Variants in GMDS observed in about 807,000 individuals in gnomAD.
GMDS encodes the protein GDP-mannose 4,6 dehydratase.
GMDS carries 20 observed loss-of-function variants against 49.9 expected under a neutral mutation model. The ratio of observed to expected loss-of-function variants is 0.40; its 90% confidence interval spans 0.28 to 0.58. The LOEUF (loss-of-function observed/expected upper bound fraction) is 0.58. GMDS is among the 20% of genes least tolerant of loss of function. The probability of loss-of-function intolerance (pLI) is 0.42; values close to 1 mark genes in which losing one functional copy is unlikely to be tolerated. For synonymous variants in GMDS, 177 were observed against 178.6 expected, an observed-to-expected ratio of 0.99 and a Z score of 0.07; for missense variants, 362 against 481.4, an observed-to-expected ratio of 0.75 and a Z score of 2.32.
At chr6:1,624,782 A>G (rs1762796766) in intron 9 of GMDS, 1 of 293,678 alleles carries the variant, frequency 3.4e-6, no homozygotes, top group South Asian at 6.2e-5. Flanking sequence ...ACCCCCAGCT[A>G]CCTCCACACC....
chr6:1,774,525 T>C (rs1258030947), intron 7 of GMDS, among the ~76,000 whole-genome samples: 1 of 152,206 alleles, frequency 6.6e-6, no homozygotes, highest in Non-Finnish European at 1.5e-5. Flanking sequence ...TAAAGTGGAT[T>C]AGGGCCCATC....
intron 4 of GMDS, among the ~76,000 whole-genome samples, chr6:2,012,778 C>T (rs1042420374): frequency 6.6e-5 from 10 of 152,016 alleles, no homozygotes; most frequent in African/African-American, 2.2e-4. Flanking sequence ...TAAAAAAAGT[C>T]CCAGGAGCCC....
chr6:1,961,592 T>C (rs182345227), intron 4 of GMDS, among the ~76,000 whole-genome samples: 133 of 152,370 alleles, frequency 8.7e-4, no homozygotes, highest in Admixed American at 1.1e-3. Context: ...TGCAGTTCTT[T>C]AGAGCACTTT....
At chr6:2,221,006 G>A (rs769717710) in intron 1 of GMDS, among the ~76,000 whole-genome samples, 10 of 152,096 alleles carry the variant, frequency 6.6e-5, no homozygotes, top group East Asian at 1.9e-4. Context: ...GCAAGACCCC[G>A]TCTATACAGA....
intron 7 of GMDS, among the ~76,000 whole-genome samples, chr6:1,790,036 T>C (rs1256196660): frequency 6.6e-6 from 1 of 152,254 alleles, no homozygotes; most frequent in Non-Finnish European, 1.5e-5. Context: ...TTCCTAAATA[T>C]ATGACATTGC....
At chr6:1,674,560 C>CTTTTTTTTTTTTTTTTTTT (rs869292549) in intron 9 of GMDS, among the ~76,000 whole-genome samples, 1 of 73,438 alleles carries the variant, frequency 1.4e-5, no homozygotes, top group Non-Finnish European at 2.3e-5. Flanking sequence ...CTCTCTCTCT[C>CTTTTTTTTTTTTTTTTTTT]TTTTTTTTTT....
In GMDS at chr6:1,822,406, A is replaced by T. The variant is rs115960646; in HGVS notation, c.772-79820T>A. Among the ~76,000 whole-genome samples, 755 of 152,260 alleles carry T rather than the reference A, an allele frequency of 5.0e-3. 6 individuals are homozygous for T. Among genetic ancestry groups the T allele is most frequent in the African/African-American group, 0.017 (695 of 41,532 alleles). On this transcript the variant is annotated intron_variant, in intron 7 of 10. Transcript: ENST00000380815. ...TGGTAGTATTGACAGTGCTCTGATT[A>T]TTTTCACAGGAAGTGAGTTTGTTAG...
chr6:2,022,429 T>A (rs1367805399), intron 4 of GMDS, among the ~76,000 whole-genome samples: 2 of 152,170 alleles, frequency 1.3e-5, no homozygotes, highest in African/African-American at 2.4e-5. Flanking sequence ...GTGAGATTCA[T>A]GAGATTAAGA....
rs151198848 is a variant in GMDS at position 1,925,820 on chromosome 6, G to A, written c.771+4283C>T. ...TGAGGACAGGCACTCCTGCCTTCAC[G>A]CCCAAATGCTGCATTTCCCAAGACC... On this transcript the variant is annotated intron_variant, in intron 7 of 10. Coordinates refer to ENST00000380815, the MANE Select transcript of GMDS (RefSeq NM_001500.4). Among the ~76,000 whole-genome samples, 365 of 152,178 alleles carry A rather than the reference G, an allele frequency of 2.4e-3. 4 individuals are homozygous for A. Among genetic ancestry groups the A allele is most frequent in the East Asian group, 1.4e-3 (7 of 5,168 alleles).
At chr6:2,028,772 A>G (rs1768772691) in intron 4 of GMDS, among the ~76,000 whole-genome samples, 1 of 152,196 alleles carries the variant, frequency 6.6e-6, no homozygotes, top group South Asian at 2.1e-4. Flanking sequence ...AAACAAAACG[A>G]CAAGTAATGT....
intron 7 of GMDS, among the ~76,000 whole-genome samples, chr6:1,881,429 GACTT>G (rs1374147666): frequency 6.6e-6 from 1 of 152,132 alleles, no homozygotes; most frequent in Non-Finnish European, 1.5e-5. Flanking sequence ...AAATTAAGAT[GACTT>G]ACTTTCTAGG....
intron 7 of GMDS, among the ~76,000 whole-genome samples, chr6:1,926,624 T>C (rs1762021177): frequency 6.6e-6 from 1 of 152,256 alleles, no homozygotes; most frequent in South Asian, 2.1e-4. Flanking sequence ...TCCTTTTTCA[T>C]TTTTATGATT....
chr6:2,218,094 ACCT>A (rs1780420335), intron 1 of GMDS, among the ~76,000 whole-genome samples: 3 of 151,944 alleles, frequency 2.0e-5, no homozygotes, highest in Admixed American at 2.0e-4. Flanking sequence ...CGCCTTCCAA[ACCT>A]CCTCACCACC....
At chr6:1,670,420 T>A (rs867555464) in intron 9 of GMDS, among the ~76,000 whole-genome samples, 1 of 151,128 alleles carries the variant, frequency 6.6e-6, no homozygotes. Flanking sequence ...ATTAGACAAA[T>A]CTTTTCCACT....
intron 7 of GMDS, among the ~76,000 whole-genome samples, chr6:1,771,666 T>C (rs1380438620): frequency 6.6e-6 from 1 of 152,234 alleles, no homozygotes; most frequent in Non-Finnish European, 1.5e-5. Flanking sequence ...TTCTGAGTTT[T>C]GTGCAAATCT....
chr6:2,085,869 C>T (rs1581630808), intron 4 of GMDS, among the ~76,000 whole-genome samples: 1 of 152,324 alleles, frequency 6.6e-6, no homozygotes. Context: ...CATACCTGAA[C>T]TCTCTAGTCA....
At position 1,957,505 on chromosome 6, in the gene GMDS, T is replaced by C. The variant is rs533314052; in HGVS notation, c.643+2362A>G. ...TCACGTACATCTCTTTTTCTCATTATTTGATCATATAGTTAAAAATGTGGT... is the reference window on the plus strand; with the variant it reads ...TCACGTACATCTCTTTTTCTCATTACTTGATCATATAGTTAAAAATGTGGT... On this transcript the variant is annotated intron_variant, in intron 6 of 10. Transcript: ENST00000380815. 1.5e-4 allele frequency among the ~76,000 whole-genome samples: 23 copies of C among 152,354 alleles called. No homozygotes were observed. The South Asian group carries it at 2.9e-3, about 19-fold the overall frequency.
At chr6:1,772,577 T>C (rs1400210153) in intron 7 of GMDS, among the ~76,000 whole-genome samples, 4 of 152,170 alleles carry the variant, frequency 2.6e-5, no homozygotes, top group Non-Finnish European at 5.9e-5. Context: ...CCACTGAAGT[T>C]TGGGGTGCAA....
intron 4 of GMDS, among the ~76,000 whole-genome samples, chr6:2,054,801 A>T (rs998428376): frequency 3.9e-5 from 6 of 152,098 alleles, no homozygotes; most frequent in African/African-American, 4.8e-5. Context: ...AATCCAGGAA[A>T]ACAAAAACAA....
Sources: allele counts gnomAD v4.1 joint callset (sites outside exome capture counted in the v4.1 genomes callset), GRCh38; gene constraint gnomAD v4.1.1; transcripts MANE v1.5; gene names NCBI Gene and HGNC (gene_info 2026-07-23, HGNC 2026-07-21).